The following THSD7B variants were observed in gnomAD, a reference collection of about 807,000 sequenced individuals.
THSD7B encodes the protein thrombospondin type 1 domain containing 7B.
THSD7B carries 138 observed loss-of-function variants against 213.6 expected under a neutral mutation model. The observed-to-expected ratio is 0.65, with a 90% CI of 0.56 to 0.74. THSD7B has a LOEUF of 0.74. THSD7B is among the 30% of genes least tolerant of loss of function. The pLI is 0.00. For missense variants in THSD7B, 1,931 were observed against 1,991.5 expected (o/e 0.97, Z 0.58); for synonymous variants, 742 against 687.0 (o/e 1.08, Z -1.25).
intron 15 of THSD7B, among the ~76,000 whole-genome samples, chr2:137,546,422 TATTA>T (rs1680723806): frequency 2.7e-5 from 1 of 36,522 alleles, no homozygotes; most frequent in Non-Finnish European, 4.2e-5. Context: ...ATATTATATA[TATTA>T]TATATATATT....
At chr2:137,024,006 T>C (rs1024097963) in intron 2 of THSD7B, among the ~76,000 whole-genome samples, 5 of 152,056 alleles carry the variant, frequency 3.3e-5, no homozygotes, top group African/African-American at 1.2e-4. Context: ...TTCCAAGAAC[T>C]GGGTTGGAAG....
At chr2:137,607,962 C>T (rs1186021442) in intron 17 of THSD7B, among the ~76,000 whole-genome samples, 1 of 152,190 alleles carries the variant, frequency 6.6e-6, no homozygotes, top group African/African-American at 2.4e-5. Flanking sequence ...ATCCTAACTT[C>T]CTCTTTGCAG....
chr2:137,554,484 A>T (rs1166290382), intron 15 of THSD7B, among the ~76,000 whole-genome samples: 1 of 152,194 alleles, frequency 6.6e-6, no homozygotes, highest in Non-Finnish European at 1.5e-5. Flanking sequence ...ACTCAGTATT[A>T]TTTCAGGTAT....
intron 17 of THSD7B, among the ~76,000 whole-genome samples, chr2:137,581,250 G>A (rs982815358): frequency 6.6e-6 from 1 of 152,148 alleles, no homozygotes; most frequent in Non-Finnish European, 1.5e-5. Context: ...ATAAAGCAGA[G>A]CTTCTAGTTT....
chr2:137,537,889 G>T (rs532770738), intron 15 of THSD7B, among the ~76,000 whole-genome samples: 1 of 151,736 alleles, frequency 6.6e-6, no homozygotes, highest in South Asian at 2.1e-4. Context: ...TGCCCTCAGG[G>T]AGCACACAGT....
chr2:137,515,708 A>T (rs574867590), intron 15 of THSD7B, among the ~76,000 whole-genome samples: 2 of 151,858 alleles, frequency 1.3e-5, no homozygotes, highest in African/African-American at 4.8e-5. Context: ...GAGTTAAAAA[A>T]GTTTCTAATA....
intron 2 of THSD7B, among the ~76,000 whole-genome samples, chr2:136,920,574 G>T (rs964831922): frequency 6.6e-6 from 1 of 152,192 alleles, no homozygotes; most frequent in Non-Finnish European, 1.5e-5. Context: ...CTTCAATGAA[G>T]TTCTGTCTCC....
chr2:137,555,679 CA>C (rs1162062286), intron 15 of THSD7B, among the ~76,000 whole-genome samples: 1 of 152,038 alleles, frequency 6.6e-6, no homozygotes, highest in Non-Finnish European at 1.5e-5. Context: ...AGCAACGGAA[CA>C]AAGCTGGACA....
chr2:137,392,243 C>T (rs970606302), intron 12 of THSD7B, among the ~76,000 whole-genome samples: 1 of 152,174 alleles, frequency 6.6e-6, no homozygotes, highest in African/African-American at 2.4e-5. Flanking sequence ...GTAGAATGTT[C>T]TGTAAATATC....
At chr2:137,038,101 A>C (rs1367575610) in intron 2 of THSD7B, among the ~76,000 whole-genome samples, 2 of 152,106 alleles carry the variant, frequency 1.3e-5, no homozygotes, top group Non-Finnish European at 2.9e-5. Flanking sequence ...CTTATTATGC[A>C]TTTTGGGCCC....
chr2:137,299,176 T>C (rs114080884), intron 12 of THSD7B, among the ~76,000 whole-genome samples: 1 of 152,122 alleles, frequency 6.6e-6, no homozygotes, highest in Non-Finnish European at 1.5e-5. Context: ...GGAAGTCATT[T>C]TGGAGCTTTA....
chr2:136,892,609 G>A (rs1409941231), intron 2 of THSD7B, among the ~76,000 whole-genome samples: 4 of 151,740 alleles, frequency 2.6e-5, no homozygotes, highest in Non-Finnish European at 5.9e-5. Context: ...ACCTCAAATT[G>A]CCTTCCACGT....
chr2:136,823,477 GTC>G (rs1366993073), intron 1 of THSD7B, among the ~76,000 whole-genome samples: 2 of 152,082 alleles, frequency 1.3e-5, no homozygotes, highest in African/African-American at 4.8e-5. Context: ...TTCTCCCCGT[GTC>G]TCTCTTTTTG....
Position 137,160,333 on chromosome 2 carries a change from T to A in THSD7B, c.1490T>A (p.Ile497Asn). The A allele has an allele frequency of 1.9e-6, 3 of 1,613,508 alleles. No individual in the cohort carries two copies. The highest frequency in any genetic ancestry group is 2.5e-6 in the Non-Finnish European group (3 of 1,179,634). ...VSSWSAWGLC[I>N]HENCHDPQGK... ...TCCTGGTCAGCCTGGGGCCTGTGCA[T>A]CCATGAAAACTGTCATGATCCTCAG... is the stretch of plus-strand genomic sequence containing the variant. The change falls in exon 6 of 28, where the codon ATC becomes AAC. Residue 497 changes from isoleucine (I) to asparagine (N), a missense_variant. By Grantham distance (149) the Ile-to-Asn change is moderately radical (BLOSUM62 -3). Transcript: ENST00000409968.
intron 12 of THSD7B, among the ~76,000 whole-genome samples, chr2:137,400,494 A>G (rs1401312267): frequency 6.6e-6 from 1 of 152,136 alleles, no homozygotes; most frequent in African/African-American, 2.4e-5. Context: ...TTCCCTGGCT[A>G]TAAATAGCTT....
intron 15 of THSD7B, among the ~76,000 whole-genome samples, chr2:137,460,474 C>G (rs904909722): frequency 2.0e-5 from 3 of 151,892 alleles, no homozygotes; most frequent in Non-Finnish European, 4.4e-5. Context: ...GCAGATTGCT[C>G]CTCTTTTTGC....
chr2:137,290,651 T>C (rs1318927141), intron 12 of THSD7B, among the ~76,000 whole-genome samples: 2 of 152,152 alleles, frequency 1.3e-5, no homozygotes, highest in Non-Finnish European at 2.9e-5. Context: ...GAAGTCTCCC[T>C]GTCAGCACCA....
At chr2:137,468,121 C>T (rs1192088052) in intron 15 of THSD7B, among the ~76,000 whole-genome samples, 2 of 152,086 alleles carry the variant, frequency 1.3e-5, no homozygotes, top group African/African-American at 4.8e-5. Context: ...AGTTGAAACA[C>T]CTTTTAGTAA....
chr2:137,655,435 G>T, intron 21 of THSD7B, 66 bp from the exon 22 acceptor site: 1 of 1,503,420 alleles, frequency 6.7e-7, no homozygotes, highest in Non-Finnish European at 9.0e-7. Flanking sequence ...GCAAGAGGTG[G>T]CAAGAGCCAA....
Sources: allele counts gnomAD v4.1 joint callset (sites outside exome capture counted in the v4.1 genomes callset), GRCh38; gene constraint gnomAD v4.1.1; transcripts MANE v1.5; gene names NCBI Gene and HGNC (gene_info 2026-07-23, HGNC 2026-07-21).